AATF: variants seen among roughly 807,000 people sequenced by gnomAD.
The protein encoded by AATF is protein AATF.
A neutral mutation model predicts 63.7 loss-of-function variants in AATF; 48 were observed. The observed-to-expected ratio is 0.75, with a 90% CI of 0.60 to 0.96. AATF has a LOEUF of 0.96. Ranked by LOEUF, AATF falls within the 40% of genes least tolerant of loss-of-function variation. The pLI, the probability that AATF is intolerant of heterozygous loss-of-function variation, is 0.00. For missense variants in AATF, 639 were observed against 685.7 expected (o/e 0.93, Z 0.76); for synonymous variants, 258 against 247.7 (o/e 1.04, Z -0.39).
At chr17:37,032,129 A>C (rs1490514964) in intron 11 of AATF, among the ~76,000 whole-genome samples, 3 of 152,232 alleles carry the variant, frequency 2.0e-5, no homozygotes, top group Non-Finnish European at 2.9e-5. Flanking sequence ...AGCTGAAACG[A>C]GAGAAATACA....
intron 8 of AATF, among the ~76,000 whole-genome samples, chr17:37,009,739 T>G (rs9747153): frequency 6.7e-6 from 1 of 148,270 alleles, no homozygotes. Context: ...ATGGCGTGAA[T>G]CCGGGAAGCG....
chr17:36,952,193 A>G (rs2070860592), intron 2 of AATF, among the ~76,000 whole-genome samples: 1 of 152,240 alleles, frequency 6.6e-6, no homozygotes. Flanking sequence ...CTTCATAAGT[A>G]AAATTATAAT....
At chr17:37,048,160 C>T (rs2071710405) in intron 11 of AATF, among the ~76,000 whole-genome samples, 1 of 151,770 alleles carries the variant, frequency 6.6e-6, no homozygotes, top group Non-Finnish European at 1.5e-5. Flanking sequence ...TGTGATCCTC[C>T]TTGGGTTGTT....
intron 8 of AATF, among the ~76,000 whole-genome samples, chr17:37,008,921 TA>T (rs1256488180): frequency 6.6e-6 from 1 of 152,194 alleles, no homozygotes; most frequent in South Asian, 2.1e-4. Flanking sequence ...TGTCTTGCAG[TA>T]AAAGGACCAA....
chr17:36,979,365 C>G (rs1056790601), intron 4 of AATF, among the ~76,000 whole-genome samples: 2 of 152,104 alleles, frequency 1.3e-5, no homozygotes, highest in African/African-American at 4.8e-5. Flanking sequence ...AAAGGATTTG[C>G]TTGAAAAGAT....
intron 11 of AATF, among the ~76,000 whole-genome samples, chr17:37,041,532 G>T (rs914668666): frequency 2.0e-5 from 3 of 151,952 alleles, no homozygotes; most frequent in African/African-American, 7.3e-5. Context: ...TTGAGACGGA[G>T]TCTTGCCCTG....
At chr17:37,004,360 T>G (rs2071325851) in intron 8 of AATF, among the ~76,000 whole-genome samples, 1 of 151,934 alleles carries the variant, frequency 6.6e-6, no homozygotes, top group Non-Finnish European at 1.5e-5. Context: ...GGAAATAAAT[T>G]GGAGACAGTG....
chr17:37,025,793 AC>A (rs1427524390), intron 10 of AATF, among the ~76,000 whole-genome samples: 12 of 152,196 alleles, frequency 7.9e-5, no homozygotes, highest in African/African-American at 2.9e-4. Context: ...ATAGAAAACC[AC>A]CACTAGGGAA....
chr17:37,033,244 T>C (rs1188190301), intron 11 of AATF, among the ~76,000 whole-genome samples: 1 of 152,212 alleles, frequency 6.6e-6, no homozygotes, highest in Non-Finnish European at 1.5e-5. Flanking sequence ...TTTTGTTCAT[T>C]TCTGGATCCA....
chr17:37,021,578 A>G (rs2071470474), intron 10 of AATF, among the ~76,000 whole-genome samples: 1 of 151,396 alleles, frequency 6.6e-6, no homozygotes, highest in Non-Finnish European at 1.5e-5. Flanking sequence ...GCAGTGAGCC[A>G]AGATCATGCC....
At chr17:36,953,945 A>G in intron 4 of AATF, 38 bp downstream of exon 4, 1 of 1,597,154 alleles carries the variant, frequency 6.3e-7, no homozygotes, top group East Asian at 2.2e-5. Flanking sequence ...ACTTAGAACC[A>G]CTTTGTCAAA....
chr17:37,003,987 C>T (rs1033676870), intron 8 of AATF, among the ~76,000 whole-genome samples: 11 of 152,080 alleles, frequency 7.2e-5, no homozygotes, highest in African/African-American at 2.2e-4. Context: ...TGCCTCTACT[C>T]CCAGCTGCTC....
chr17:36,985,001 A>G (rs186256715), intron 4 of AATF, among the ~76,000 whole-genome samples: 1 of 151,050 alleles, frequency 6.6e-6, no homozygotes, highest in East Asian at 2.0e-4. Context: ...TCCCAGGTTC[A>G]AGCAATTCTC....
chr17:36,979,982 A>G (rs1383586569), intron 4 of AATF, among the ~76,000 whole-genome samples: 1 of 152,246 alleles, frequency 6.6e-6, no homozygotes, highest in Non-Finnish European at 1.5e-5. Flanking sequence ...TCCTAGTACA[A>G]GCAGAGCTTA....
chr17:37,045,974 A>G (rs1490450502), intron 11 of AATF: 1 of 152,186 alleles, frequency 6.6e-6, no homozygotes, highest in East Asian at 1.9e-4. Flanking sequence ...GGATACTATT[A>G]AAAACCAAAA....
chr17:37,011,762 T>C lies in AATF; in HGVS notation c.1399-7243T>C, dbSNP rs529645854. ...TCAGTTGCTGCTTCAAGAAGTCTAA[T>C]AGGATGAGTAGTGCTAGATGCCCAT... On this transcript the variant is annotated intron_variant, in intron 8 of 11. Transcript: ENST00000619387. 2.0e-5 allele frequency among the ~76,000 whole-genome samples: 3 copies of C among 152,094 alleles called. No homozygotes were observed. In the South Asian group the frequency reaches 6.3e-4, roughly 32 times the overall value.
At chr17:36,959,446 AAAAC>A (rs1391477083) in intron 4 of AATF, among the ~76,000 whole-genome samples, 1 of 152,222 alleles carries the variant, frequency 6.6e-6, no homozygotes, top group Non-Finnish European at 1.5e-5. Flanking sequence ...CTGTCTCAAG[AAAAC>A]AAACAAACCA....
chr17:36,982,003 A>G (rs1459804922), intron 4 of AATF, among the ~76,000 whole-genome samples: 2 of 150,592 alleles, frequency 1.3e-5, no homozygotes, highest in Non-Finnish European at 3.0e-5. Flanking sequence ...ACAGCTCCCC[A>G]TTTCCCTCTT....
intron 4 of AATF, among the ~76,000 whole-genome samples, chr17:36,976,042 CT>C (rs1451644847): frequency 6.6e-6 from 1 of 152,138 alleles, no homozygotes; most frequent in Non-Finnish European, 1.5e-5. Context: ...AGTGTCTCCA[CT>C]GTTTTTTCAA....
Sources: allele counts gnomAD v4.1 joint callset (sites outside exome capture counted in the v4.1 genomes callset), GRCh38; gene constraint gnomAD v4.1.1; transcripts MANE v1.5; gene names NCBI Gene and HGNC (gene_info 2026-07-23, HGNC 2026-07-21).